HHIP: variants seen among roughly 807,000 people sequenced by gnomAD.
The protein encoded by HHIP is hedgehog-interacting protein.
In HHIP, 12 loss-of-function variants were observed where a neutral mutation model predicts 74.0. The observed-to-expected ratio is 0.16, with a 90% CI of 0.10 to 0.26. The LOEUF is 0.26. Among genes scored for constraint, HHIP ranks in the 10% least tolerant of loss-of-function variants. HHIP has a pLI of 1.00. For synonymous variants in HHIP, 309 were observed against 311.6 expected (o/e 0.99, Z 0.09); for missense variants, 788 against 845.0 (o/e 0.93, Z 0.84).
intron 4 of HHIP, among the ~76,000 whole-genome samples, chr4:144,660,585 G>GA (rs1001802713): frequency 3.8e-3 from 551 of 143,502 alleles, no homozygotes; most frequent in African/African-American, 0.01. Context: ...TTTCTTAACT[G>GA]AAAAAAAAAA....
At chr4:144,669,236 C>T (rs1331833745) in intron 4 of HHIP, among the ~76,000 whole-genome samples, 3 of 152,112 alleles carry the variant, frequency 2.0e-5, no homozygotes, top group Non-Finnish European at 4.4e-5. Context: ...TATCTTTGGA[C>T]ATTTCAGTCA....
At chr4:144,732,058 G>GTAGC (rs756512092) in intron 11 of HHIP, among the ~76,000 whole-genome samples, 78 of 152,228 alleles carry the variant, frequency 5.1e-4, no homozygotes, top group African/African-American at 1.8e-3. Flanking sequence ...GATTGAGTAT[G>GTAGC]TAGCTTCTGC....
In HHIP at chr4:144,697,049, T is replaced by A. The variant is rs183961777; in HGVS notation, c.832-9482T>A. Reference sequence around the variant, plus strand: ...TTACAGTTCAGTCTAGAATTTTTTTTAAATTTTTTGTTCAACAAGTCTTAA... The same window carrying A: ...TTACAGTTCAGTCTAGAATTTTTTTAAAATTTTTTGTTCAACAAGTCTTAA... On this transcript the variant is annotated intron_variant, in intron 4 of 12. Coordinates refer to ENST00000296575, the MANE Select transcript of HHIP (RefSeq NM_022475.3). Among the ~76,000 whole-genome samples, 85 of 152,150 alleles carry A rather than the reference T, an allele frequency of 5.6e-4. 1 individual carries two copies. Among genetic ancestry groups the A allele is most frequent in the Non-Finnish European group, 6.6e-4 (45 of 67,930 alleles).
intron 11 of HHIP, among the ~76,000 whole-genome samples, chr4:144,719,180 T>A (rs1419192002): frequency 6.6e-6 from 1 of 152,174 alleles, no homozygotes; most frequent in Non-Finnish European, 1.5e-5. Flanking sequence ...GTCCTTGCTG[T>A]CATCACAGAG....
chr4:144,738,015 T>TAA lies in HHIP; in HGVS notation c.*67_*68dup. On this transcript the variant is annotated 3_prime_UTR_variant, in exon 13 of 13. Coordinates refer to ENST00000296575, the MANE Select transcript of HHIP (RefSeq NM_022475.3). ...GGGCATTTATTTTTTATCCTGTCATTAAAAAAAAAAGACTGTTATCCTGCT... is the reference window on the plus strand; with the variant it reads ...GGGCATTTATTTTTTATCCTGTCATTAAAAAAAAAAAAGACTGTTATCCTGCT... The TAA allele has an allele frequency of 7.1e-5, 79 of 1,116,396 alleles. No homozygotes were observed. The highest frequency in any genetic ancestry group is 1.3e-4 in the African/African-American group (8 of 62,524). 69.2% of individuals were successfully genotyped at this position (1,116,396 alleles called of 1,614,324 possible). A position where few individuals can be genotyped will look rare whatever the true frequency, so the allele number is the denominator to read the frequency against.
intron 4 of HHIP, among the ~76,000 whole-genome samples, chr4:144,662,443 A>G (rs1441191229): frequency 6.6e-6 from 1 of 152,246 alleles, no homozygotes; most frequent in Non-Finnish European, 1.5e-5. Flanking sequence ...AACTGTCTGC[A>G]GTTCCCAGAG....
At chr4:144,689,711 GCTT>G (rs1334199318) in intron 4 of HHIP, among the ~76,000 whole-genome samples, 13 of 152,104 alleles carry the variant, frequency 8.5e-5, no homozygotes, top group Non-Finnish European at 7.4e-5. Context: ...TTAGCAAGAT[GCTT>G]CTTTTTTCTA....
chr4:144,648,457 A>G (rs1728331371), intron 1 of HHIP: 1 of 152,158 alleles, frequency 6.6e-6, no homozygotes, highest in Non-Finnish European at 1.5e-5. Context: ...TATTCTTACC[A>G]TATGCAGCAG....
At chr4:144,704,835 A>G (rs546202303) in intron 4 of HHIP, among the ~76,000 whole-genome samples, 1 of 152,352 alleles carries the variant, frequency 6.6e-6, no homozygotes, top group South Asian at 2.1e-4. Flanking sequence ...CTCTACAGTC[A>G]AATTGTACTT....
At chr4:144,710,500 C>T (rs541328324) in intron 7 of HHIP, among the ~76,000 whole-genome samples, 19 of 152,308 alleles carry the variant, frequency 1.2e-4, no homozygotes, top group African/African-American at 4.6e-4. Flanking sequence ...ATAATTTCTA[C>T]ATGACTCTTA....
chr4:144,726,642 T>C (rs545447700), intron 11 of HHIP, among the ~76,000 whole-genome samples: 6 of 152,276 alleles, frequency 3.9e-5, no homozygotes, highest in Admixed American at 3.3e-4. Flanking sequence ...AATAAGCTCA[T>C]ATACAAAAGA....
At chr4:144,727,277 A>G (rs1730831844) in intron 11 of HHIP, among the ~76,000 whole-genome samples, 1 of 151,550 alleles carries the variant, frequency 6.6e-6, no homozygotes, top group Non-Finnish European at 1.5e-5. Context: ...GACACTTCTT[A>G]TAACGGCAAT....
intron 4 of HHIP, among the ~76,000 whole-genome samples, chr4:144,677,626 G>C (rs756505747): frequency 6.6e-5 from 10 of 152,156 alleles, no homozygotes; most frequent in African/African-American, 1.2e-4. Flanking sequence ...GTAGAGAAAG[G>C]AGTGGACCCT....
chr4:144,699,213 G>A (rs563160937), intron 4 of HHIP, among the ~76,000 whole-genome samples: 1 of 152,310 alleles, frequency 6.6e-6, no homozygotes, highest in Non-Finnish European at 1.5e-5. Context: ...AAATTTGGGG[G>A]TTCTCATAAT....
chr4:144,684,278 A>T (rs2126625929), intron 4 of HHIP, among the ~76,000 whole-genome samples: 2 of 42,410 alleles, frequency 4.7e-5, no homozygotes, highest in Non-Finnish European at 8.0e-5. Flanking sequence ...TTTTTTTTTG[A>T]GACGGAGTCT....
intron 10 of HHIP, among the ~76,000 whole-genome samples, chr4:144,717,500 T>C (rs541423226): frequency 6.6e-6 from 1 of 152,248 alleles, no homozygotes; most frequent in African/African-American, 2.4e-5. Context: ...GACTAAAGGA[T>C]TTTTCATGGG....
intron 11 of HHIP, among the ~76,000 whole-genome samples, chr4:144,719,259 T>G (rs1730563140): frequency 6.6e-6 from 1 of 152,192 alleles, no homozygotes; most frequent in Non-Finnish European, 1.5e-5. Flanking sequence ...TGTGAGGCAG[T>G]GGCTTAGGCT....
chr4:144,673,701 G>T (rs1729104469), intron 4 of HHIP, among the ~76,000 whole-genome samples: 2 of 152,154 alleles, frequency 1.3e-5, no homozygotes, highest in Non-Finnish European at 2.9e-5. Context: ...AAGGGGATAT[G>T]GAAAGCTTAT....
At chr4:144,700,483 A>AGGGAATTAAGGTTGCAC (rs1729943985) in intron 4 of HHIP, among the ~76,000 whole-genome samples, 1 of 152,190 alleles carries the variant, frequency 6.6e-6, no homozygotes, top group African/African-American at 2.4e-5. Flanking sequence ...TAAGGTTGCA[A>AGGGAATTAAGGTTGCAC]TGGAATTAAG....
Sources: gnomAD v4.1 joint callset for allele counts (sites outside exome capture counted in the v4.1 genomes callset) on GRCh38, gnomAD v4.1.1 for gene constraint, MANE v1.5 for transcripts, NCBI Gene and HGNC (gene_info 2026-07-23, HGNC 2026-07-21) for gene names.